SLC2A7: variants seen among roughly 807,000 people sequenced by gnomAD.
The protein encoded by SLC2A7 is solute carrier family 2 member 7, also known as solute carrier family 2, facilitated glucose transporter member 7.
A neutral mutation model predicts 50.5 loss-of-function variants in SLC2A7; 50 were observed. That is an observed-to-expected ratio of 0.99 (90% CI 0.79 to 1.25). The LOEUF (loss-of-function observed/expected upper bound fraction) is 1.25. Among genes scored for constraint, SLC2A7 ranks in the 50% most tolerant of loss-of-function variants. The probability of loss-of-function intolerance (pLI) is 0.00; values close to 1 mark genes in which losing one functional copy is unlikely to be tolerated. For missense variants in SLC2A7, 683 were observed against 679.1 expected (o/e 1.01, Z -0.06); for synonymous variants, 308 against 300.4 (o/e 1.03, Z -0.26).
At chr1:9,007,418 G>A (rs1640671239) in intron 9 of SLC2A7, 33 bp from the exon 10 acceptor site, 1 of 1,610,054 alleles carries the variant, frequency 6.2e-7, no homozygotes, top group Non-Finnish European at 8.5e-7. Context: ...CTGGGCTGAG[G>A]CCAGGAGCCC....
At chr1:8,997,482 C>T in the SLC2A7 span, among the ~76,000 whole-genome samples, 8 of 152,168 alleles carry the variant, frequency 5.3e-5, no homozygotes, top group African/African-American at 1.2e-4. Flanking sequence ...TTCACTGCAA[C>T]CTTCGCCTCC....
chr1:9,023,171 G>A, intron 2 of SLC2A7, 93 bp from the exon 3 acceptor site: 1 of 1,395,220 alleles, frequency 7.2e-7, no homozygotes, highest in Non-Finnish European at 9.8e-7. Context: ...ATTGTACAGA[G>A]AGGTTTTTCT....
chr1:9,025,229 G>A (rs1181386180), intron 1 of SLC2A7, among the ~76,000 whole-genome samples, 155 bp from the exon 2 acceptor site: 2 of 152,208 alleles, frequency 1.3e-5, no homozygotes, highest in African/African-American at 4.8e-5. Context: ...GCGCAGGGCT[G>A]GGGCTTTTGG....
the SLC2A7 span, among the ~76,000 whole-genome samples, chr1:8,995,122 C>T: frequency 2.0e-5 from 3 of 151,448 alleles, no homozygotes; most frequent in Non-Finnish European, 4.4e-5. Context: ...GGTGCACAAA[C>T]GCCAAAAGAC....
intron 4 of SLC2A7, 121 bp from the exon 5 acceptor site, chr1:9,018,496 G>C (rs1640865546): frequency 2.9e-6 from 4 of 1,387,996 alleles, no homozygotes; most frequent in Non-Finnish European, 3.9e-6. Context: ...CGTGGAGATG[G>C]AGCTCGGCCA....
downstream of SLC2A7, among the ~76,000 whole-genome samples, chr1:8,998,888 T>G (rs867137993): frequency 5.9e-5 from 9 of 152,196 alleles, no homozygotes; most frequent in Non-Finnish European, 1.2e-4. Context: ...ATGAGTGATA[T>G]TGGGTTGTAG....
At chr1:9,023,735 T>C (rs776141532) in intron 2 of SLC2A7, among the ~76,000 whole-genome samples, 1 of 144,732 alleles carries the variant, frequency 6.9e-6, no homozygotes, top group Non-Finnish European at 1.5e-5. Context: ...AGGGAGACCC[T>C]GTCTCTATTA....
intron 8 of SLC2A7, among the ~76,000 whole-genome samples, chr1:9,012,939 A>G (rs1640767339): frequency 6.6e-6 from 1 of 152,114 alleles, no homozygotes; most frequent in Non-Finnish European, 1.5e-5. Context: ...CCCAGGCTGG[A>G]GTGCAGTGGT....
the SLC2A7 span, among the ~76,000 whole-genome samples, chr1:8,994,769 T>A: frequency 6.6e-6 from 1 of 152,020 alleles, no homozygotes; most frequent in African/African-American, 2.4e-5. Context: ...TCTTTTTTTT[T>A]CTTTGTTTTG....
chr1:8,995,542 C>G, the SLC2A7 span, among the ~76,000 whole-genome samples: 1 of 150,822 alleles, frequency 6.6e-6, no homozygotes, highest in Admixed American at 6.6e-5. Flanking sequence ...GTCAGGAGTT[C>G]GAGACCAGCC....
At chr1:8,994,939 T>G in the SLC2A7 span, among the ~76,000 whole-genome samples, 2 of 151,610 alleles carry the variant, frequency 1.3e-5, no homozygotes, top group Admixed American at 6.6e-5. Context: ...CCCAGCTATT[T>G]TTTACATTTT....
At chr1:9,000,745 GGTGTGT>G (rs56985979), downstream of SLC2A7, among the ~76,000 whole-genome samples, 349 of 142,076 alleles carry the variant, frequency 2.5e-3, 1 homozygote, top group South Asian at 0.01. Flanking sequence ...TGACTTTCCT[GGTGTGT>G]GTGTGTGTGT....
chr1:9,000,001 G>A (rs1374085483), downstream of SLC2A7, among the ~76,000 whole-genome samples: 2 of 152,138 alleles, frequency 1.3e-5, no homozygotes, highest in Admixed American at 6.5e-5. Flanking sequence ...ATTTCCACCC[G>A]ATTTATGTGA....
intron 5 of SLC2A7, among the ~76,000 whole-genome samples, chr1:9,016,832 C>T (rs1287368125): frequency 2.0e-5 from 3 of 152,162 alleles, no homozygotes; most frequent in Non-Finnish European, 4.4e-5. Context: ...TTCCCTCCAC[C>T]CTCCACGAGT....
intron 5 of SLC2A7, among the ~76,000 whole-genome samples, chr1:9,017,753 C>T (rs554744805): frequency 7.2e-5 from 11 of 152,302 alleles, no homozygotes; most frequent in South Asian, 4.1e-4. Context: ...ATCTCCACCA[C>T]GACCCCCACT....
intron 3 of SLC2A7, among the ~76,000 whole-genome samples, chr1:9,021,338 C>G (rs1640910399): frequency 6.6e-6 from 1 of 152,064 alleles, no homozygotes; most frequent in Non-Finnish European, 1.5e-5. Context: ...TCTTCTCTCT[C>G]CACCTCCAGG....
chr1:9,007,929 G>A (rs1325977643), intron 9 of SLC2A7, among the ~76,000 whole-genome samples: 1 of 151,978 alleles, frequency 6.6e-6, no homozygotes, highest in Non-Finnish European at 1.5e-5. Flanking sequence ...CACAATTGTG[G>A]AAGCAGAGCA....
intron 10 of SLC2A7, among the ~76,000 whole-genome samples, chr1:9,006,901 C>A (rs571426910): frequency 2.1e-4 from 32 of 152,258 alleles, no homozygotes; most frequent in African/African-American, 7.5e-4. Flanking sequence ...CTGTAGCTGG[C>A]AGTCAGCGGG....
chr1:9,019,173 C>A (rs371000672), intron 4 of SLC2A7, 36 bp downstream of exon 4: 102 of 1,602,418 alleles, frequency 6.4e-5, no homozygotes, highest in Non-Finnish European at 8.3e-5. Flanking sequence ...ACAGACCCTT[C>A]CCCCAAGGCT....
Sources: gnomAD v4.1 joint callset for allele counts (sites outside exome capture counted in the v4.1 genomes callset) on GRCh38, gnomAD v4.1.1 for gene constraint, MANE v1.5 for transcripts, NCBI Gene and HGNC (gene_info 2026-07-23, HGNC 2026-07-21) for gene names.